DZIP1L: variants seen among roughly 807,000 people sequenced by gnomAD.
DZIP1L encodes DAZ interacting zinc finger protein 1 like, also known as cilium assembly protein DZIP1L.
In DZIP1L, 90 loss-of-function variants were observed where a neutral mutation model predicts 88.7. That is an observed-to-expected ratio of 1.02 (90% confidence interval 0.86 to 1.21). The LOEUF is 1.21. DZIP1L is among the 50% of genes most tolerant of loss of function. The pLI is 0.00. For missense variants in DZIP1L, 932 were observed against 955.8 expected, an observed-to-expected ratio of 0.98 and a Z score of 0.33; for synonymous variants, 363 against 372.1, an observed-to-expected ratio of 0.98 and a Z score of 0.28.
At chr3:138,092,695 G>T in intron 4 of DZIP1L, 151 bp from the exon 5 acceptor site, 1 of 723,410 alleles carries the variant, frequency 1.4e-6, no homozygotes, top group Non-Finnish European at 2.0e-6. Context: ...GACTTGGGAG[G>T]ACCAGTCTAA....
chr3:138,068,351 G>A lies in DZIP1L; in HGVS notation c.1632C>T (p.Ser544=), dbSNP rs775502803. The change falls in exon 13 of 16, where the codon AGC becomes AGT. Residue 544 remains serine, a synonymous_variant. Coordinates refer to ENST00000327532, the MANE Select transcript of DZIP1L (RefSeq NM_173543.3). The part of the protein sequence containing the change: ...DGQPSVKSQQ[S]TLVTREAQPK... ...GCTGGGCCTCTCTGGTGACCAGTGT[G>A]CTCTGCTGGCTTTTGACTGGAAACA... 10 of 1,510,352 alleles carry A rather than the reference G, an allele frequency of 6.6e-6. No homozygotes were observed. Among genetic ancestry groups the A allele is most frequent in the Middle Eastern group, 1.8e-4 (1 of 5,654 alleles). 93.6% of individuals were successfully genotyped at this position (1,510,352 alleles called of 1,614,324 possible).
intron 2 of DZIP1L, among the ~76,000 whole-genome samples, chr3:138,100,620 T>C (rs964008380): frequency 6.6e-6 from 1 of 152,154 alleles, no homozygotes; most frequent in African/African-American, 2.4e-5. Flanking sequence ...TCCAGGTAGA[T>C]AGTGTCAGAA....
intron 14 of DZIP1L, among the ~76,000 whole-genome samples, chr3:138,065,268 T>TA (rs2107729141): frequency 6.6e-6 from 1 of 152,346 alleles, no homozygotes; most frequent in African/African-American, 2.4e-5. Flanking sequence ...CAAGGTAATG[T>TA]ATGAACCTCA....
chr3:138,064,285 C>T, intron 15 of DZIP1L: 1 of 1,051,840 alleles, frequency 9.5e-7, no homozygotes, highest in Non-Finnish European at 1.2e-6. Flanking sequence ...GGGGAGGAGC[C>T]CACTGTGGGA....
At chr3:138,074,024 A>C (rs1293035629) in intron 11 of DZIP1L, among the ~76,000 whole-genome samples, 1 of 152,150 alleles carries the variant, frequency 6.6e-6, no homozygotes, top group African/African-American at 2.4e-5. Flanking sequence ...AAAGAATTTT[A>C]AAAAAATGAA....
At chr3:138,085,513 G>T (rs1031473214) in intron 7 of DZIP1L, among the ~76,000 whole-genome samples, 17 of 152,204 alleles carry the variant, frequency 1.1e-4, no homozygotes, top group African/African-American at 2.4e-4. Flanking sequence ...AAAATGCTCA[G>T]CATCACTGGC....
At chr3:138,068,963 G>T in intron 12 of DZIP1L, 1 of 1,265,658 alleles carries the variant, frequency 7.9e-7, no homozygotes, top group Non-Finnish European at 9.9e-7. Flanking sequence ...GCATCACAGG[G>T]AGTCAGACAT....
At chr3:138,079,734 C>T (rs1306124637) in intron 10 of DZIP1L, among the ~76,000 whole-genome samples, 1 of 152,078 alleles carries the variant, frequency 6.6e-6, no homozygotes, top group Non-Finnish European at 1.5e-5. Context: ...TTCCAAAGTG[C>T]ATAGATTACC....
chr3:138,091,945 T>G (rs1944254868), intron 5 of DZIP1L, among the ~76,000 whole-genome samples: 1 of 152,160 alleles, frequency 6.6e-6, no homozygotes. Context: ...CAGGGAATAT[T>G]TGTTGGGAGA....
intron 1 of DZIP1L, among the ~76,000 whole-genome samples, chr3:138,107,175 G>T (rs1395018946): frequency 6.6e-6 from 1 of 152,196 alleles, no homozygotes; most frequent in Non-Finnish European, 1.5e-5. Context: ...TCCCCCAAAG[G>T]TCATATGTTG....
At chr3:138,104,726 C>G (rs1410926932) in intron 1 of DZIP1L, among the ~76,000 whole-genome samples, 1 of 152,216 alleles carries the variant, frequency 6.6e-6, no homozygotes, top group East Asian at 1.9e-4. Context: ...TACGGAGTCT[C>G]TGCCACATGG....
At chr3:138,081,876 G>T in intron 8 of DZIP1L, 112 bp from the exon 9 acceptor site, 2 of 1,120,488 alleles carry the variant, frequency 1.8e-6, no homozygotes, top group Non-Finnish European at 2.5e-6. Flanking sequence ...CAGATTCCAT[G>T]ACTCACGTTG....
intron 11 of DZIP1L, among the ~76,000 whole-genome samples, chr3:138,072,125 T>C (rs540549368): frequency 6.6e-6 from 1 of 152,332 alleles, no homozygotes; most frequent in South Asian, 2.1e-4. Flanking sequence ...GGGACTTCGT[T>C]GGAACATGCT....
rs529669063 is a variant in DZIP1L at position 138,067,683 on chromosome 3, G to T, written c.1850C>A (p.Ser617Tyr). 4.4e-6 allele frequency: 7 copies of T among 1,588,302 alleles called. No individual in the cohort carries two copies. In the African/African-American group the frequency reaches 9.5e-5, roughly 22 times the overall value. ...GPGMSTPPFS[S>Y]EEDSEGDRVQ... is the part of the protein sequence containing the mutation. ...ACGGTCTCCCTCTGAGTCCTCTTCA[G>T]AACTGAACGGGGGCGTGCTGCCACG... The change falls in exon 14 of 16, where the codon TCT becomes TAT. Residue 617 changes from serine to tyrosine, a missense_variant. By Grantham distance (144) the Ser-to-Tyr change is moderately radical. Coordinates refer to ENST00000327532, the MANE Select transcript of DZIP1L (RefSeq NM_173543.3).
intron 5 of DZIP1L, chr3:138,089,148 C>A (rs1944090441): frequency 3.0e-5 from 30 of 985,372 alleles, no homozygotes; most frequent in Non-Finnish European, 3.6e-5. Flanking sequence ...CTCATAAGCC[C>A]TATTAAGGCT....
chr3:138,085,714 C>G (rs1373537150), intron 7 of DZIP1L, among the ~76,000 whole-genome samples: 4 of 152,202 alleles, frequency 2.6e-5, no homozygotes, highest in Non-Finnish European at 4.4e-5. Context: ...CCTCAGGGAT[C>G]TAGAACTAGA....
chr3:138,072,617 G>T (rs749298871), intron 11 of DZIP1L, among the ~76,000 whole-genome samples: 1 of 152,020 alleles, frequency 6.6e-6, no homozygotes, highest in African/African-American at 2.4e-5. Context: ...AATAACATAC[G>T]TGTTCTGGTT....
rs779830044 is a variant in DZIP1L, at chr3:138,081,729, C to T, written c.1234+5G>A. ...TGCTACACACTGCCCTGTGTAGACA[C>T]TTACCTTCCACCTTCCTGAGAGACA... is the stretch of plus-strand genomic sequence containing the variant. On this transcript the variant is annotated splice_donor_5th_base_variant and intron_variant, in intron 9 of 15. Coordinates refer to ENST00000327532, the MANE Select transcript of DZIP1L (RefSeq NM_173543.3). 6.2e-7 allele frequency: 1 copy of T among 1,613,128 alleles called. No individual in the cohort carries two copies. Among genetic ancestry groups the T allele is most frequent in the Non-Finnish European group, 8.5e-7 (1 of 1,179,490 alleles).
chr3:138,102,248 G>T, intron 2 of DZIP1L: 1 of 1,434,240 alleles, frequency 7.0e-7, no homozygotes, highest in Non-Finnish European at 9.8e-7. Context: ...GCTGCCTGAG[G>T]AAGTTGATCT....
Sources: gnomAD v4.1 joint callset for allele counts (sites outside exome capture counted in the v4.1 genomes callset) on GRCh38, gnomAD v4.1.1 for gene constraint, MANE v1.5 for transcripts, NCBI Gene and HGNC (gene_info 2026-07-23, HGNC 2026-07-21) for gene names.